The following GPR63 variants were observed in gnomAD, a reference collection of about 807,000 sequenced individuals.
GPR63 encodes probable G protein-coupled receptor 63.
A neutral mutation model predicts 23.1 loss-of-function variants in GPR63; 12 were observed. The observed-to-expected ratio is 0.52, with a 90% confidence interval of 0.33 to 0.84. The LOEUF (loss-of-function observed/expected upper bound fraction) is 0.84, where lower values mean the gene tolerates loss of function less well. Among genes scored for constraint, GPR63 ranks in the 40% least tolerant of loss-of-function variants. The pLI, the probability that GPR63 is intolerant of heterozygous loss-of-function variation, is 0.02. For missense variants in GPR63, 472 were observed against 515.6 expected, an observed-to-expected ratio of 0.92 and a Z score of 0.82; for synonymous variants, 172 against 191.1, an observed-to-expected ratio of 0.90 and a Z score of 0.82.
intron 1 of GPR63, among the ~76,000 whole-genome samples, chr6:96,813,790 C>T (rs767170898): frequency 1.3e-5 from 2 of 152,004 alleles, no homozygotes; most frequent in Non-Finnish European, 2.9e-5. Context: ...GAGATGTCTT[C>T]GATTATTTGA....
In GPR63 at chr6:96,819,974, C is replaced by CAAAAA. The variant is rs367728329; in HGVS notation, c.-151+17289_-151+17293dup. Among the ~76,000 whole-genome samples, 288 of 85,282 alleles carry CAAAAA rather than the reference C, an allele frequency of 3.4e-3. 1 individual carries two copies. Among genetic ancestry groups the CAAAAA allele is most frequent in the African/African-American group, 0.011 (271 of 23,908 alleles). 55.9% of individuals were successfully genotyped at this position (85,282 alleles called of 152,430 possible). On this transcript the variant is annotated intron_variant, in intron 1 of 1. Transcript: ENST00000229955. ...TGGGCAACACAGCGAGACTCTGTCTCAAAAAAAAAAAAAAAAAACAAACAA... is the reference window on the plus strand; with the variant it reads ...TGGGCAACACAGCGAGACTCTGTCTCAAAAAAAAAAAAAAAAAAAAAAACAAACAA...
chr6:96,810,025 T>C (rs926039636), intron 1 of GPR63, among the ~76,000 whole-genome samples: 1 of 152,220 alleles, frequency 6.6e-6, no homozygotes, highest in African/African-American at 2.4e-5. Flanking sequence ...GAGTATGAAC[T>C]GGTACAGCAT....
In GPR63 at chr6:96,799,293, A is replaced by T; in HGVS notation, c.439T>A (p.Trp147Arg). Reference sequence around the variant, plus strand: ...CTACAGAAGAATTTCCCAAAAATCCATCGGGTAGTAAGAATAGTTACCAGG... The same window carrying T: ...CTACAGAAGAATTTCCCAAAAATCCTTCGGGTAGTAAGAATAGTTACCAGG... The part of the protein sequence containing the change: ...FALVTILTTR[W>R]IFGKFFCRVS... The change falls in exon 2 of 2, where the codon TGG becomes AGG. Residue 147 changes from tryptophan to arginine, a missense_variant. Transcript: ENST00000229955. 1 of 1,614,196 alleles carries T rather than the reference A, an allele frequency of 6.2e-7. No homozygotes were observed. The highest frequency in any genetic ancestry group is 1.3e-5 in the African/African-American group (1 of 75,058).
At position 96,837,282 on chromosome 6, in the gene GPR63, A is replaced by T. The variant is rs1201058795; in HGVS notation, c.-165T>A. On this transcript the variant is annotated 5_prime_UTR_variant, in exon 1 of 2. Transcript: ENST00000229955. ...CCTCACCTCACCTCAAGCGAAGGGC[A>T]GCGCGCGGGCGCCCGCGGAAGAGCC... The T allele has an allele frequency of 1.4e-4, 21 of 152,336 alleles. No homozygotes were observed. Among genetic ancestry groups the T allele is most frequent in the Admixed American group, 1.4e-3 (21 of 15,282 alleles). 9.4% of individuals were successfully genotyped at this position (152,336 alleles called of 1,614,324 possible).
intron 1 of GPR63, among the ~76,000 whole-genome samples, chr6:96,808,315 A>G (rs1252743479): frequency 6.6e-6 from 1 of 152,220 alleles, no homozygotes; most frequent in Non-Finnish European, 1.5e-5. Flanking sequence ...CTTTAAAAAA[A>G]TGAGACTCAG....
At chr6:96,823,026 A>C (rs944197781) in intron 1 of GPR63, among the ~76,000 whole-genome samples, 3 of 152,306 alleles carry the variant, frequency 2.0e-5, no homozygotes, top group African/African-American at 7.2e-5. Context: ...GTACAACACA[A>C]TATTCATGTG....
chr6:96,831,093 T>G (rs1282078496), intron 1 of GPR63, among the ~76,000 whole-genome samples: 1 of 152,220 alleles, frequency 6.6e-6, no homozygotes, highest in Non-Finnish European at 1.5e-5. Context: ...GGCAGCAAAG[T>G]GCAGAAAACA....
rs1002008018 is a variant in GPR63 at position 96,798,085 on chromosome 6, G to GA, written c.*386dup. The stretch of plus-strand genomic sequence containing the variant: ...ATGGTAAAAGCAGCAGTGTCTTCCA[G>GA]AAAAAAAAAGTCTTGATAAACTCAA... On this transcript the variant is annotated 3_prime_UTR_variant, in exon 2 of 2. Coordinates refer to ENST00000229955, the MANE Select transcript of GPR63 (RefSeq NM_030784.4). 88 of 161,754 alleles carry GA rather than the reference G, an allele frequency of 5.4e-4. No homozygotes were observed. The highest frequency in any genetic ancestry group is 1.4e-3 in the South Asian group (8 of 5,762). The allele number at this position is 161,754 out of a possible 1,614,324, so 10.0% of individuals were successfully genotyped here.
At position 96,826,050 on chromosome 6, in the gene GPR63, G is replaced by A. The variant is rs1774431190; in HGVS notation, c.-151+11218C>T. On this transcript the variant is annotated intron_variant, in intron 1 of 1. Coordinates refer to ENST00000229955, the MANE Select transcript of GPR63 (RefSeq NM_030784.4). ...AACATTTCTTTAAAATGTTTACCAAGATGTACCATTTCAAATAAGCATAAA... is the reference window on the plus strand; with the variant it reads ...AACATTTCTTTAAAATGTTTACCAAAATGTACCATTTCAAATAAGCATAAA... Among the ~76,000 whole-genome samples the A allele has an allele frequency of 2.6e-5, 4 of 152,082 alleles. No individual in the cohort carries two copies. The South Asian group carries it at 8.3e-4, about 32-fold the overall frequency.
At chr6:96,823,319 G>A (rs2127957080) in intron 1 of GPR63, among the ~76,000 whole-genome samples, 1 of 152,254 alleles carries the variant, frequency 6.6e-6, no homozygotes, top group South Asian at 2.1e-4. Flanking sequence ...AGACCTTCCG[G>A]TGGGACAAGC....
chr6:96,799,080 G>T lies in GPR63; in HGVS notation c.652C>A (p.Pro218Thr). ...CVAFPLAVGN[P>T]DLQIPSRAPQ... is the part of the protein sequence containing the mutation. The stretch of plus-strand genomic sequence containing the variant: ...GCTCGGGAAGGTATCTGCAGGTCGG[G>T]GTTTCCTACGGCTAAAGGAAAAGCT... Residue 218 changes from proline (P) to threonine (T), a missense_variant, in exon 2 of 2, where the codon CCC becomes ACC. By Grantham distance (38) the Pro-to-Thr change is conservative. Coordinates refer to ENST00000229955, the MANE Select transcript of GPR63 (RefSeq NM_030784.4). 1 of 1,614,094 alleles carries T rather than the reference G, an allele frequency of 6.2e-7. No homozygotes were observed. Among genetic ancestry groups the T allele is most frequent in the Non-Finnish European group, 8.5e-7 (1 of 1,180,008 alleles).
intron 1 of GPR63, among the ~76,000 whole-genome samples, chr6:96,812,906 T>C (rs1214751963): frequency 1.3e-5 from 2 of 152,158 alleles, no homozygotes; most frequent in African/African-American, 4.8e-5. Flanking sequence ...TTGCTAACTA[T>C]AGTCATCCTA....
chr6:96,812,821 A>T (rs959003896), intron 1 of GPR63, among the ~76,000 whole-genome samples: 7 of 152,056 alleles, frequency 4.6e-5, no homozygotes, highest in Admixed American at 2.0e-4. Context: ...CATCATCTAG[A>T]GTATTTAACA....
chr6:96,834,680 A>G (rs899405069), intron 1 of GPR63, among the ~76,000 whole-genome samples: 4 of 152,258 alleles, frequency 2.6e-5, no homozygotes, highest in Non-Finnish European at 5.9e-5. Flanking sequence ...ACCGCCTAAC[A>G]GATTACTTCA....
chr6:96,814,378 G>C (rs1248070717), intron 1 of GPR63, among the ~76,000 whole-genome samples: 1 of 152,096 alleles, frequency 6.6e-6, no homozygotes, highest in Non-Finnish European at 1.5e-5. Context: ...TTTCAGATGT[G>C]CAATTATTAT....
At position 96,836,830 on chromosome 6, in the gene GPR63, A is replaced by C. The variant is rs138999461; in HGVS notation, c.-151+438T>G. 8.3e-4 allele frequency among the ~76,000 whole-genome samples: 126 copies of C among 152,130 alleles called. 1 individual carries two copies. The East Asian group carries it at 0.019, about 23-fold the overall frequency. On this transcript the variant is annotated intron_variant, in intron 1 of 1. Coordinates refer to ENST00000229955, the MANE Select transcript of GPR63 (RefSeq NM_030784.4). ...GCAAACAAGGTAAATTTCAGCCCTCAAGCAGCGAGACCACCGTGTAAAAGT... is the reference window on the plus strand; with the variant it reads ...GCAAACAAGGTAAATTTCAGCCCTCCAGCAGCGAGACCACCGTGTAAAAGT...
At chr6:96,835,838 T>A (rs764393885) in intron 1 of GPR63, among the ~76,000 whole-genome samples, 11 of 152,204 alleles carry the variant, frequency 7.2e-5, no homozygotes, top group Non-Finnish European at 1.3e-4. Context: ...AAACTTCCCA[T>A]TACAAACAAT....
At chr6:96,820,686 C>G (rs1439799565) in intron 1 of GPR63, among the ~76,000 whole-genome samples, 1 of 151,846 alleles carries the variant, frequency 6.6e-6, no homozygotes, top group African/African-American at 2.4e-5. Context: ...TTTCATCCAG[C>G]TTTAGCATTG....
rs1582241738 is a variant in GPR63, at chr6:96,798,521, A to G, written c.1211T>C (p.Ile404Thr). The G allele has an allele frequency of 6.2e-7, 1 of 1,614,232 alleles. No homozygotes were observed. Among genetic ancestry groups the G allele is most frequent in the Non-Finnish European group, 8.5e-7 (1 of 1,180,042 alleles). ...PQLPGHTKRRIRPSAVYVCGE... is the reference protein window; with the variant it reads ...PQLPGHTKRRTRPSAVYVCGE... ...ACACACATAGACAGCACTAGGACGT[A>G]TCCGTCGCTTTGTGTGACCAGGGAG... Residue 404 changes from isoleucine to threonine, a missense_variant, in exon 2 of 2, where the codon ATA becomes ACA. Physicochemically the swap from Ile to Thr is moderately conservative, Grantham distance 89 (BLOSUM62 -1). Transcript: ENST00000229955.
Sources: allele counts gnomAD v4.1 joint callset (sites outside exome capture counted in the v4.1 genomes callset), GRCh38; gene constraint gnomAD v4.1.1; transcripts MANE v1.5; gene names NCBI Gene and HGNC (gene_info 2026-07-23, HGNC 2026-07-21).